AGBL1: variants seen among roughly 807,000 people sequenced by gnomAD.
AGBL1 encodes the protein cytosolic carboxypeptidase 4.
Under a neutral mutation model 118.9 loss-of-function variants are expected in AGBL1, and 130 were observed. That is an observed-to-expected ratio of 1.09 (90% CI 0.95 to 1.26). AGBL1 has a LOEUF of 1.26. AGBL1 is among the 50% of genes most tolerant of loss of function. AGBL1 has a pLI of 0.00. For missense variants in AGBL1, 1,584 were observed against 1,298.1 expected (o/e 1.22, Z -3.38); for synonymous variants, 555 against 478.9 (o/e 1.16, Z -2.08).
At chr15:86,544,793 G>T (rs760785642) in intron 19 of AGBL1, among the ~76,000 whole-genome samples, 1 of 152,250 alleles carries the variant, frequency 6.6e-6, no homozygotes, top group African/African-American at 2.4e-5. Flanking sequence ...ATGGCTAAGT[G>T]CATATTCCAG....
intron 5 of AGBL1, among the ~76,000 whole-genome samples, chr15:86,196,907 A>ACC: frequency 6.6e-6 from 1 of 150,964 alleles, no homozygotes; most frequent in African/African-American, 2.5e-5. Context: ...ACACACACAC[A>ACC]CACACACACA....
At chr15:87,007,521 C>T (rs535682459) in intron 24 of AGBL1, among the ~76,000 whole-genome samples, 10 of 152,010 alleles carry the variant, frequency 6.6e-5, no homozygotes, top group African/African-American at 2.4e-4. Context: ...TTTCTTGATA[C>T]AAATATATTG....
At chr15:86,617,760 G>GCACACACACACA (rs5814253) in intron 21 of AGBL1, among the ~76,000 whole-genome samples, 5 of 146,924 alleles carry the variant, frequency 3.4e-5, no homozygotes, top group African/African-American at 7.6e-5. Context: ...AACTTTATGC[G>GCACACACACACA]CACACACACA....
At chr15:86,759,618 G>A (rs1030008851) in intron 22 of AGBL1, among the ~76,000 whole-genome samples, 1 of 152,008 alleles carries the variant, frequency 6.6e-6, no homozygotes, top group Non-Finnish European at 1.5e-5. Flanking sequence ...GTAACATTTG[G>A]TGAGGTAGCC....
At chr15:86,243,399 G>T (rs2078669130) in intron 6 of AGBL1, among the ~76,000 whole-genome samples, 1 of 152,178 alleles carries the variant, frequency 6.6e-6, no homozygotes. Context: ...TCCCGTTTCA[G>T]ACTGAGAATT....
chr15:86,984,326 AT>A (rs1226275813), intron 23 of AGBL1, among the ~76,000 whole-genome samples: 1 of 148,024 alleles, frequency 6.8e-6, no homozygotes, highest in Non-Finnish European at 1.5e-5. Flanking sequence ...TATTTTGTCA[AT>A]TTTTTCAAAG....
chr15:86,960,928 G>A (rs1361000449), intron 23 of AGBL1, among the ~76,000 whole-genome samples: 5 of 152,092 alleles, frequency 3.3e-5, no homozygotes, highest in Non-Finnish European at 7.4e-5. Context: ...GCCAGGTGCT[G>A]GAGGTTGGGG....
chr15:86,217,678 G>A (rs191326573), intron 5 of AGBL1, among the ~76,000 whole-genome samples: 1 of 152,334 alleles, frequency 6.6e-6, no homozygotes, highest in East Asian at 1.9e-4. Flanking sequence ...TTAGGCTGCA[G>A]CATTAGCAAG....
intron 22 of AGBL1, among the ~76,000 whole-genome samples, chr15:86,776,800 GAGA>G (rs2078263300): frequency 6.7e-6 from 1 of 149,826 alleles, no homozygotes; most frequent in African/African-American, 2.5e-5. Flanking sequence ...GAGAGAGAGA[GAGA>G]ATTAAGGGGA....
intron 21 of AGBL1, among the ~76,000 whole-genome samples, chr15:86,609,649 A>T (rs553985847): frequency 6.9e-4 from 105 of 152,336 alleles, no homozygotes; most frequent in African/African-American, 2.4e-3. Context: ...TTGTTAAAAA[A>T]TCCATTTATT....
At chr15:87,001,553 A>G (rs1567280806) in intron 24 of AGBL1, among the ~76,000 whole-genome samples, 1 of 152,060 alleles carries the variant, frequency 6.6e-6, no homozygotes, top group Non-Finnish European at 1.5e-5. Context: ...AGGAATCGCC[A>G]CACTGACTTC....
chr15:86,795,580 C>A (rs567658062), intron 22 of AGBL1, among the ~76,000 whole-genome samples: 1 of 145,098 alleles, frequency 6.9e-6, no homozygotes, highest in African/African-American at 2.6e-5. Context: ...ACCTTGCTTT[C>A]TGCTTGATTT....
At chr15:86,371,598 CATT>C (rs2080971011) in intron 17 of AGBL1, among the ~76,000 whole-genome samples, 1 of 152,080 alleles carries the variant, frequency 6.6e-6, no homozygotes, top group African/African-American at 2.4e-5. Flanking sequence ...TATTATACGT[CATT>C]ATTATGTGTG....
chr15:86,865,357 C>T lies in AGBL1; in HGVS notation c.3159-41730C>T, dbSNP rs76828046. Among the ~76,000 whole-genome samples the T allele has an allele frequency of 9.0e-3, 1,365 of 152,290 alleles. 26 individuals carry two copies. The highest frequency in any genetic ancestry group is 0.031 in the African/African-American group (1,271 of 41,552). Reference sequence around the variant, plus strand: ...GCAACCATTTTGACTCAAAGCCCCACGTTTTGTATTCTGCAAGTTTGCAAA... The same window carrying T: ...GCAACCATTTTGACTCAAAGCCCCATGTTTTGTATTCTGCAAGTTTGCAAA... On this transcript the variant is annotated intron_variant, in intron 22 of 22. Transcript: ENST00000614907.
intron 23 of AGBL1, among the ~76,000 whole-genome samples, chr15:86,973,593 A>G (rs556874902): frequency 6.6e-6 from 1 of 151,878 alleles, no homozygotes; most frequent in Non-Finnish European, 1.5e-5. Flanking sequence ...CTAAAAGGGC[A>G]TAATGCTATG....
At chr15:86,795,535 C>T (rs537497457) in intron 22 of AGBL1, among the ~76,000 whole-genome samples, 1 of 151,586 alleles carries the variant, frequency 6.6e-6, no homozygotes, top group Non-Finnish European at 1.5e-5. Context: ...TGCCCTTCCT[C>T]ATCCAGCCCC....
chr15:86,554,809 T>G (rs2083710200), intron 21 of AGBL1, among the ~76,000 whole-genome samples: 1 of 152,208 alleles, frequency 6.6e-6, no homozygotes, highest in African/African-American at 2.4e-5. Context: ...TTGACATGCA[T>G]CCCCAACTTT....
chr15:86,230,258 T>A (rs2078434302), intron 6 of AGBL1, among the ~76,000 whole-genome samples: 1 of 152,108 alleles, frequency 6.6e-6, no homozygotes, highest in Non-Finnish European at 1.5e-5. Context: ...GACCTGGCAA[T>A]CAGCAATGCA....
At chr15:87,010,484 G>T (rs544646013) in intron 24 of AGBL1, among the ~76,000 whole-genome samples, 1 of 152,250 alleles carries the variant, frequency 6.6e-6, no homozygotes, top group South Asian at 2.1e-4. Context: ...TCAGCTAAGG[G>T]CTGATGTAGA....
Sources: gnomAD v4.1 joint callset for allele counts (sites outside exome capture counted in the v4.1 genomes callset) on GRCh38, gnomAD v4.1.1 for gene constraint, MANE v1.5 for transcripts, NCBI Gene and HGNC (gene_info 2026-07-23, HGNC 2026-07-21) for gene names.